ZNF101: variants seen among roughly 807,000 people sequenced by gnomAD.
ZNF101 encodes zinc finger protein 101 (Y2).
A neutral mutation model predicts 42.6 loss-of-function variants in ZNF101; 34 were observed. The observed-to-expected ratio is 0.80, with a 90% CI of 0.61 to 1.06. ZNF101 has a LOEUF of 1.06. Ranked by LOEUF, ZNF101 falls within the 50% of genes least tolerant of loss-of-function variation. ZNF101 has a pLI of 0.00. For synonymous variants in ZNF101, 158 were observed against 183.9 expected, an observed-to-expected ratio of 0.86 and a Z score of 1.14; for missense variants, 466 against 530.9, an observed-to-expected ratio of 0.88 and a Z score of 1.20.
At position 19,680,085 on chromosome 19, in the gene ZNF101, T is replaced by C. The variant is rs751820493; in HGVS notation, c.1096T>C (p.Tyr366His). 6.2e-7 allele frequency: 1 copy of C among 1,614,182 alleles called. No homozygotes were observed. Reference sequence around the variant, plus strand: ...AAAAACTCATAGTGGAGAAAAGCCATATGAATGTACAAGGTGTGGTAAAGC... The same window carrying C: ...AAAAACTCATAGTGGAGAAAAGCCACATGAATGTACAAGGTGTGGTAAAGC... ...HKKTHSGEKP[Y>H]ECTRCGKAFG... The change falls in exon 4 of 4, where the codon TAT (tyrosine) becomes CAT (histidine). Residue 366 changes from tyrosine to histidine, a missense_variant. Physicochemically the swap from Tyr to His is moderately conservative, Grantham distance 83. Coordinates refer to ENST00000592502, the MANE Select transcript of ZNF101 (RefSeq NM_033204.4).
In ZNF101 at chr19:19,679,560, C is replaced by T; in HGVS notation, c.571C>T (p.His191Tyr). ...PNLFQIHQRTHTGKRSYKCRE... is the reference protein window; with the variant it reads ...PNLFQIHQRTYTGKRSYKCRE... ...TTTATTTCAAATCCATCAAAGAACT[C>T]ACACTGGAAAGAGGTCCTATAAATG... Residue 191 changes from histidine to tyrosine, a missense_variant, in exon 4 of 4, where the codon CAC becomes TAC. Coordinates refer to ENST00000592502, the MANE Select transcript of ZNF101 (RefSeq NM_033204.4). 1.9e-6 allele frequency: 3 copies of T among 1,614,172 alleles called. No individual in the cohort carries two copies. The highest frequency in any genetic ancestry group is 2.5e-6 in the Non-Finnish European group (3 of 1,180,040).
rs530409079 is a variant in ZNF101 at position 19,668,869 on chromosome 19, G to T, written c.-95G>T. ...GGTCCGGGTTTTAGTTCCTCGGGGA[G>T]CCCCTGGTGCCCCGGATACGGCTGA... On this transcript the variant is annotated 5_prime_UTR_variant, in exon 1 of 4. Transcript: ENST00000592502. The T allele has an allele frequency of 2.6e-5, 37 of 1,450,362 alleles. No homozygotes were observed. The highest frequency in any genetic ancestry group is 2.9e-5 in the African/African-American group (2 of 69,372). The allele number at this position is 1,450,362 out of a possible 1,614,324, so 89.8% of individuals were successfully genotyped here.
At position 19,679,883 on chromosome 19, in the gene ZNF101, C is replaced by T. The variant is rs753293706; in HGVS notation, c.894C>T (p.His298=). The change falls in exon 4 of 4, where the codon CAC becomes CAT. Residue 298 remains histidine, a synonymous_variant. Transcript: ENST00000592502. ...GKKLSCSSSL[H]RHERTHSGGK... is the part of the protein sequence containing the mutation. ...AACTCAGTTGTTCCAGTTCCCTTCA[C>T]AGACATGAAAGAACTCATAGTGGAG... 2 of 1,614,104 alleles carry T rather than the reference C, an allele frequency of 1.2e-6. No individual in the cohort carries two copies. Among genetic ancestry groups the T allele is most frequent in the Admixed American group, 1.7e-5 (1 of 60,004 alleles).
chr19:19,679,036 A>G (rs2062219906), intron 3 of ZNF101, 145 bp from the exon 4 acceptor site: 1 of 1,377,976 alleles, frequency 7.3e-7, no homozygotes, highest in African/African-American at 1.5e-5. Flanking sequence ...AGAATCATCA[A>G]TACACTTCCT....
At position 19,682,058 on chromosome 19, in the gene ZNF101, G is replaced by A. The variant is rs1372710936; in HGVS notation, c.*1758G>A. On this transcript the variant is annotated 3_prime_UTR_variant, in exon 4 of 4. Coordinates refer to ENST00000592502, the MANE Select transcript of ZNF101 (RefSeq NM_033204.4). ...CTGCCTCAGCCTCCTGAGTAACTGG[G>A]ATTATAAGCACATGCCACCACGCCT... 2 of 151,484 alleles carry A rather than the reference G, an allele frequency of 1.3e-5. No homozygotes were observed. Among genetic ancestry groups the A allele is most frequent in the African/African-American group, 4.8e-5 (2 of 41,250 alleles). The allele number at this position is 151,484 out of a possible 1,614,324, so 9.4% of individuals were successfully genotyped here. A position where few individuals can be genotyped will look rare whatever the true frequency, so the allele number is the denominator to read the frequency against.
intron 1 of ZNF101, among the ~76,000 whole-genome samples, chr19:19,673,122 T>A (rs1336771325): frequency 6.6e-6 from 1 of 151,780 alleles, no homozygotes; most frequent in Non-Finnish European, 1.5e-5. Flanking sequence ...TTTTTTTTTT[T>A]GTATTCTTAG....
At chr19:19,677,117 C>G (rs2062207159) in intron 1 of ZNF101, 1 of 152,160 alleles carries the variant, frequency 6.6e-6, no homozygotes. Flanking sequence ...TTATTTACTA[C>G]TTGATTAAAT....
chr19:19,675,418 A>G (rs781349768), intron 1 of ZNF101, among the ~76,000 whole-genome samples: 5 of 151,998 alleles, frequency 3.3e-5, no homozygotes, highest in African/African-American at 4.8e-5. Flanking sequence ...GATTACAGGC[A>G]TGAGCCACCG....
At chr19:19,678,828 A>C in intron 3 of ZNF101, 42 bp downstream of exon 3, 1 of 1,546,954 alleles carries the variant, frequency 6.5e-7, no homozygotes, top group Non-Finnish European at 8.8e-7. Flanking sequence ...TCTTGAGGGA[A>C]TCTTAGTAGG....
intron 1 of ZNF101, among the ~76,000 whole-genome samples, chr19:19,669,777 C>T (rs2062157552): frequency 6.6e-6 from 1 of 152,198 alleles, no homozygotes; most frequent in South Asian, 2.1e-4. Flanking sequence ...GCCACTGCGC[C>T]TGGCAAGACC....
At chr19:19,673,637 T>C (rs952679969) in intron 1 of ZNF101, among the ~76,000 whole-genome samples, 7 of 151,438 alleles carry the variant, frequency 4.6e-5, no homozygotes, top group Non-Finnish European at 8.8e-5. Context: ...GTTTTTAGTG[T>C]ACAAGTAGTC....
chr19:19,669,010 G>C, intron 1 of ZNF101, 44 bp downstream of exon 1: 1 of 1,564,736 alleles, frequency 6.4e-7, no homozygotes, highest in Non-Finnish European at 8.6e-7. Flanking sequence ...AGGAGGAGCT[G>C]GTCGGAACCG....
At position 19,679,687 on chromosome 19, in the gene ZNF101, C is replaced by T. The variant is rs763947810; in HGVS notation, c.698C>T (p.Pro233Leu). ...KRYECKYCGK[P>L]IDYPSLFQIH... Reference sequence around the variant, plus strand: ...TATGAATGTAAATACTGTGGAAAACCTATCGATTATCCCAGTTTATTTCAA... The same window carrying T: ...TATGAATGTAAATACTGTGGAAAACTTATCGATTATCCCAGTTTATTTCAA... The change falls in exon 4 of 4, where the codon CCT becomes CTT. Residue 233 changes from proline to leucine, a missense_variant. Physicochemically the swap from Pro to Leu is moderately conservative, Grantham distance 98. Transcript: ENST00000592502. The T allele has an allele frequency of 2.9e-5, 46 of 1,613,914 alleles. No homozygotes were observed. The highest frequency in any genetic ancestry group is 3.6e-5 in the Non-Finnish European group (42 of 1,180,008).
chr19:19,679,150 G>A, intron 3 of ZNF101, 31 bp from the exon 4 acceptor site: 2 of 1,598,612 alleles, frequency 1.3e-6, no homozygotes, highest in Non-Finnish European at 1.7e-6. Context: ...AATAAACCAA[G>A]CATTGATAAT....
intron 1 of ZNF101, among the ~76,000 whole-genome samples, chr19:19,669,251 C>A (rs1034994427): frequency 6.6e-6 from 1 of 152,188 alleles, no homozygotes; most frequent in African/African-American, 2.4e-5. Flanking sequence ...GGGGGAATCC[C>A]GCCTCGGGTG....
chr19:19,678,141 T>C, intron 2 of ZNF101, 151 bp downstream of exon 2: 1 of 1,216,640 alleles, frequency 8.2e-7, no homozygotes. Flanking sequence ...CTTGTAATCC[T>C]AGTGCTTTGG....
In ZNF101 at chr19:19,669,055, G is replaced by A. The variant is rs1335203477; in HGVS notation, c.3+89G>A. The A allele has an allele frequency of 1.1e-5, 16 of 1,503,848 alleles. No individual in the cohort carries two copies. The East Asian group carries it at 3.8e-4, about 36-fold the overall frequency. The allele number at this position is 1,503,848 out of a possible 1,614,324, so 93.2% of individuals were successfully genotyped here. ...GGACCTGGGCCTCCCCGCGGCGACT[G>A]TGGGGGTCTGGGACCCGAGTCCCCC... is the stretch of plus-strand genomic sequence containing the variant. On this transcript the variant is annotated intron_variant, in intron 1 of 3. Coordinates refer to ENST00000592502, the MANE Select transcript of ZNF101 (RefSeq NM_033204.4).
intron 1 of ZNF101, among the ~76,000 whole-genome samples, chr19:19,675,461 A>T (rs112247592): frequency 0.019 from 2,930 of 152,080 alleles, 48 homozygotes; most frequent in South Asian, 0.046. Flanking sequence ...TACTATGCCA[A>T]TCTCCTGCTA....
chr19:19,668,803 A>G (rs1485264425), upstream of ZNF101: 16 of 900,240 alleles, frequency 1.8e-5, no homozygotes, highest in Non-Finnish European at 2.4e-5. Context: ...GGCAACTTCC[A>G]AAGCCCGAAG....
Sources: gnomAD v4.1 joint callset for allele counts (sites outside exome capture counted in the v4.1 genomes callset) on GRCh38, gnomAD v4.1.1 for gene constraint, MANE v1.5 for transcripts, NCBI Gene and HGNC (gene_info 2026-07-23, HGNC 2026-07-21) for gene names.